LIN52: variants seen among roughly 807,000 people sequenced by gnomAD.
The protein encoded by LIN52 is protein lin-52 homolog.
A neutral mutation model predicts 18.5 loss-of-function variants in LIN52; 4 were observed. The ratio of observed to expected loss-of-function variants is 0.22; its 90% CI spans 0.11 to 0.49. LIN52 has a LOEUF of 0.49. Among genes scored for constraint, LIN52 ranks in the 20% least tolerant of loss-of-function variants. LIN52 has a pLI of 0.97. For synonymous variants in LIN52, 34 were observed against 45.5 expected (o/e 0.75, Z 1.02); for missense variants, 102 against 139.5 (o/e 0.73, Z 1.35).
intron 4 of LIN52, among the ~76,000 whole-genome samples, chr14:74,098,796 C>T (rs1284482140): frequency 6.6e-6 from 1 of 152,156 alleles, no homozygotes; most frequent in East Asian, 1.9e-4. Flanking sequence ...GATCCACCCA[C>T]CTCGGCCTCC....
At chr14:74,183,391 A>G (rs942490887) in intron 5 of LIN52, among the ~76,000 whole-genome samples, 2 of 151,924 alleles carry the variant, frequency 1.3e-5, no homozygotes, top group Non-Finnish European at 2.9e-5. Flanking sequence ...GAGCCACCGC[A>G]CTCAGCCAAA....
chr14:74,152,819 G>T (rs574572020), intron 5 of LIN52, among the ~76,000 whole-genome samples: 1 of 151,976 alleles, frequency 6.6e-6, no homozygotes, highest in South Asian at 2.1e-4. Context: ...AATTAGCTGG[G>T]CGTGGTGGCA....
At chr14:74,133,694 A>G (rs1674554781) in intron 5 of LIN52, among the ~76,000 whole-genome samples, 1 of 152,136 alleles carries the variant, frequency 6.6e-6, no homozygotes, top group African/African-American at 2.4e-5. Context: ...GGAACAAGAA[A>G]CCTCCAATTT....
intron 5 of LIN52, among the ~76,000 whole-genome samples, chr14:74,131,593 G>A (rs1016282597): frequency 2.6e-5 from 4 of 152,216 alleles, no homozygotes; most frequent in Admixed American, 6.5e-5. Flanking sequence ...TGGGATTACA[G>A]GCGTGAGCAT....
At chr14:74,175,363 T>C (rs1026202225) in intron 5 of LIN52, among the ~76,000 whole-genome samples, 2 of 151,940 alleles carry the variant, frequency 1.3e-5, no homozygotes, top group African/African-American at 2.4e-5. Flanking sequence ...ATCTCAGCAC[T>C]TTGGGAGGCC....
chr14:74,087,613 C>T (rs1381094896), intron 1 of LIN52, among the ~76,000 whole-genome samples: 1 of 152,078 alleles, frequency 6.6e-6, no homozygotes, highest in Non-Finnish European at 1.5e-5. Context: ...AAATAAGTAT[C>T]TCATTCCAAA....
At chr14:74,146,733 AAAAAGAACAAAG>A (rs2139550913) in intron 5 of LIN52, among the ~76,000 whole-genome samples, 1 of 152,342 alleles carries the variant, frequency 6.6e-6, no homozygotes, top group South Asian at 2.1e-4. Flanking sequence ...AACAATCTTG[AAAAAGAACAAAG>A]TTGAAGGACT....
At chr14:74,108,659 T>G (rs2060910903) in intron 5 of LIN52, among the ~76,000 whole-genome samples, 1 of 152,226 alleles carries the variant, frequency 6.6e-6, no homozygotes, top group African/African-American at 2.4e-5. Context: ...TTTAGCATGT[T>G]TTCATGTGCT....
At chr14:74,195,998 A>G (rs540167139) in intron 5 of LIN52, among the ~76,000 whole-genome samples, 1 of 152,318 alleles carries the variant, frequency 6.6e-6, no homozygotes, top group East Asian at 1.9e-4. Flanking sequence ...CATCTGATTT[A>G]TAGGGCACAG....
At chr14:74,113,340 T>C (rs1047179672) in intron 5 of LIN52, among the ~76,000 whole-genome samples, 2 of 151,988 alleles carry the variant, frequency 1.3e-5, no homozygotes, top group African/African-American at 2.4e-5. Context: ...TGCGGTGAAC[T>C]GAGATGATGC....
chr14:74,155,836 A>G (rs181334285), intron 5 of LIN52, among the ~76,000 whole-genome samples: 94 of 152,222 alleles, frequency 6.2e-4, no homozygotes, highest in Middle Eastern at 6.8e-3. Flanking sequence ...TCTTTTCTGT[A>G]TTCCTGGAAC....
At chr14:74,099,633 T>A (rs999464762) in intron 4 of LIN52, among the ~76,000 whole-genome samples, 2 of 151,504 alleles carry the variant, frequency 1.3e-5, no homozygotes, top group Non-Finnish European at 2.9e-5. Flanking sequence ...AGACTGGAGT[T>A]TTTTTTATTA....
At chr14:74,175,711 TACACACACACACAC>T (rs35602442) in intron 5 of LIN52, among the ~76,000 whole-genome samples, 5 of 86,324 alleles carry the variant, frequency 5.8e-5, no homozygotes, top group Admixed American at 2.6e-4. Flanking sequence ...CACAGACACA[TACACACACACACAC>T]ACACACACAC....
chr14:74,126,098 A>T (rs898689831), intron 5 of LIN52, among the ~76,000 whole-genome samples: 2 of 152,120 alleles, frequency 1.3e-5, no homozygotes, highest in African/African-American at 4.8e-5. Context: ...GAAGAAATAC[A>T]AATGGCTAAC....
chr14:74,184,286 G>T (rs763005052), intron 5 of LIN52, among the ~76,000 whole-genome samples: 1 of 152,192 alleles, frequency 6.6e-6, no homozygotes, highest in Non-Finnish European at 1.5e-5. Context: ...TCTCCATGTT[G>T]CCTGGGCTGC....
At chr14:74,158,186 C>T (rs1471997558) in intron 5 of LIN52, among the ~76,000 whole-genome samples, 1 of 150,960 alleles carries the variant, frequency 6.6e-6, no homozygotes, top group East Asian at 1.9e-4. Context: ...GTGATCTCGG[C>T]TCACTGCAAC....
intron 5 of LIN52, among the ~76,000 whole-genome samples, chr14:74,175,139 GC>G (rs1294777983): frequency 6.6e-6 from 1 of 151,850 alleles, no homozygotes; most frequent in Non-Finnish European, 1.5e-5. Context: ...GAATATGAAA[GC>G]CTAGGACATT....
intron 5 of LIN52, among the ~76,000 whole-genome samples, chr14:74,101,552 G>A (rs2060856066): frequency 6.7e-6 from 1 of 149,994 alleles, no homozygotes; most frequent in South Asian, 2.1e-4. Flanking sequence ...TCCGCCTCCC[G>A]GGTTCACGCC....
intron 2 of LIN52, among the ~76,000 whole-genome samples, chr14:74,093,110 C>G (rs2060784347): frequency 6.6e-6 from 1 of 151,598 alleles, no homozygotes; most frequent in Non-Finnish European, 1.5e-5. Flanking sequence ...CGCCACAATG[C>G]TCAGCTAATT....
Sources: gnomAD v4.1 joint callset for allele counts (sites outside exome capture counted in the v4.1 genomes callset) on GRCh38, gnomAD v4.1.1 for gene constraint, MANE v1.5 for transcripts, NCBI Gene and HGNC (gene_info 2026-07-23, HGNC 2026-07-21) for gene names.